Variants in TRHDE observed in about 807,000 individuals in gnomAD.
TRHDE encodes the protein thyrotropin releasing hormone degrading enzyme.
In TRHDE, 72 loss-of-function variants were observed where a neutral mutation model predicts 125.7. The observed-to-expected ratio is 0.57, with a 90% CI of 0.47 to 0.70. The LOEUF is 0.70. Among genes scored for constraint, TRHDE ranks in the 30% least tolerant of loss-of-function variants. The pLI is 0.00. For missense variants in TRHDE, 1,110 were observed against 1,327.1 expected (o/e 0.84, Z 2.54); for synonymous variants, 509 against 509.1 (o/e 1.00, Z 0.00).
intron 2 of TRHDE, among the ~76,000 whole-genome samples, chr12:72,331,102 A>T (rs1055229022): frequency 3.3e-5 from 5 of 152,210 alleles, no homozygotes; most frequent in African/African-American, 1.2e-4. Flanking sequence ...AGCAATTCAC[A>T]TCTGTTATCT....
At chr12:72,454,037 T>G (rs1404381138) in intron 3 of TRHDE, among the ~76,000 whole-genome samples, 1 of 152,214 alleles carries the variant, frequency 6.6e-6, no homozygotes, top group Non-Finnish European at 1.5e-5. Context: ...TTGAGTACAC[T>G]TGTTCTGACT....
chr12:72,630,405 G>A (rs1592583022), intron 15 of TRHDE, among the ~76,000 whole-genome samples: 1 of 151,654 alleles, frequency 6.6e-6, no homozygotes, highest in African/African-American at 2.4e-5. Flanking sequence ...GCTGGAGAGA[G>A]GCATGGGTAT....
intron 2 of TRHDE, among the ~76,000 whole-genome samples, chr12:72,307,675 G>T (rs1868368467): frequency 6.6e-6 from 1 of 152,100 alleles, no homozygotes; most frequent in Non-Finnish European, 1.5e-5. Flanking sequence ...GAAAACAAGA[G>T]AACTCGAGAA....
intron 12 of TRHDE, among the ~76,000 whole-genome samples, chr12:72,581,020 A>G (rs899117436): frequency 2.0e-5 from 3 of 152,208 alleles, no homozygotes; most frequent in Non-Finnish European, 4.4e-5. Context: ...CTATGGGAAT[A>G]CATTAAATGC....
intron 3 of TRHDE, among the ~76,000 whole-genome samples, chr12:72,440,122 G>A (rs540223896): frequency 6.6e-6 from 1 of 151,996 alleles, no homozygotes; most frequent in African/African-American, 2.4e-5. Context: ...CTCGATAATG[G>A]GCAGTGATCT....
chr12:72,176,282 G>A (rs1876985090), intron 2 of TRHDE, among the ~76,000 whole-genome samples: 1 of 152,162 alleles, frequency 6.6e-6, no homozygotes, highest in Non-Finnish European at 1.5e-5. Flanking sequence ...TAGGTAAGAG[G>A]ATCGCTTGAG....
chr12:72,435,445 C>A (rs1460405191), intron 3 of TRHDE, among the ~76,000 whole-genome samples: 1 of 152,038 alleles, frequency 6.6e-6, no homozygotes, highest in African/African-American at 2.4e-5. Context: ...GGATGGGAAG[C>A]TATTCAGGAT....
At chr12:72,183,783 CT>C (rs1877146129) in intron 2 of TRHDE, among the ~76,000 whole-genome samples, 1 of 152,086 alleles carries the variant, frequency 6.6e-6, no homozygotes. Context: ...CACAGTTTGT[CT>C]GTGCAAAATG....
At chr12:72,497,955 T>A (rs1381766595) in intron 5 of TRHDE, among the ~76,000 whole-genome samples, 2 of 145,820 alleles carry the variant, frequency 1.4e-5, no homozygotes, top group Non-Finnish European at 1.5e-5. Flanking sequence ...TATGTCATAT[T>A]TGTCATTTAA....
chr12:72,663,153 AG>A lies in TRHDE; in HGVS notation c.3169del (p.Asp1057ThrfsTer7). 1 of 1,613,086 alleles carries A rather than the reference AG, an allele frequency of 6.2e-7. No homozygotes were observed. Among genetic ancestry groups the A allele is most frequent in the East Asian group, 2.2e-5 (1 of 44,832 alleles). On this transcript the variant is annotated frameshift_variant, in exon 19 of 19. Transcript: ENST00000261180. LOFTEE classifies it high-confidence loss of function. ...ANVRWKMLYQ[D>X]ELFQWLGKAL... ...ATGTGCGCTGGAAAATGCTTTACCA[AG>A]ACGAGCTTTTCCAATGGTTAGGAAA...
intron 2 of TRHDE, among the ~76,000 whole-genome samples, chr12:72,365,572 T>C (rs1323003563): frequency 6.6e-6 from 1 of 152,064 alleles, no homozygotes; most frequent in Non-Finnish European, 1.5e-5. Context: ...GGAAGCTTGG[T>C]AATAATATAG....
intron 1 of TRHDE, among the ~76,000 whole-genome samples, chr12:72,089,712 T>G (rs1308825654): frequency 6.6e-6 from 1 of 152,212 alleles, no homozygotes. Flanking sequence ...CCAAATCTCT[T>G]AACTCTGCTT....
intron 6 of TRHDE, among the ~76,000 whole-genome samples, chr12:72,514,831 C>T (rs1343758977): frequency 3.1e-5 from 4 of 128,180 alleles, no homozygotes; most frequent in Non-Finnish European, 6.3e-5. Flanking sequence ...TGTTCCCCTT[C>T]CTGTGTCCAT....
intron 2 of TRHDE, among the ~76,000 whole-genome samples, chr12:72,368,658 G>A (rs1387115353): frequency 1.3e-5 from 2 of 152,108 alleles, no homozygotes; most frequent in East Asian, 3.9e-4. Context: ...TGGACACTCA[G>A]CATGTGAATA....
At position 72,097,427 on chromosome 12, in the gene TRHDE, ATTTTCTCACTGAAT is replaced by A. The variant is rs1220130635; in HGVS notation, n.175-8216_175-8203del. Among the ~76,000 whole-genome samples the A allele has an allele frequency of 1.4e-3, 179 of 124,738 alleles. 13 individuals carry two copies. The highest frequency in any genetic ancestry group is 1.2e-3 in the African/African-American group (40 of 32,996). 81.8% of individuals were successfully genotyped at this position (124,738 alleles called of 152,430 possible). A position where few individuals can be genotyped will look rare whatever the true frequency, so the allele number is the denominator to read the frequency against. On this transcript the variant is annotated intron_variant and non_coding_transcript_variant, in intron 1 of 4. Transcript: ENST00000548156. ...TAGTCCCTCCTTACCTTGCAGTAGC[ATTTTCTCACTGAAT>A]TTTTTTTTTTTTTTTTTTTTTTTTT... is the stretch of plus-strand genomic sequence containing the variant.
Position 72,273,740 on chromosome 12 carries a change from C to T in TRHDE, c.914+183C>T. On this transcript the variant is annotated intron_variant, in intron 1 of 18. Transcript: ENST00000261180. This position sits in a 1 kb window ranked among gnomAD's most constrained non-coding sequence, Gnocchi z 5.3. ...GGGTCTCCCAGATGCCTCGGGGTCTCGCTGCCGCCAACTTCGCAAACTGAC... is the reference window on the plus strand; with the variant it reads ...GGGTCTCCCAGATGCCTCGGGGTCTTGCTGCCGCCAACTTCGCAAACTGAC... 1 of 574,120 alleles carries T rather than the reference C, an allele frequency of 1.7e-6. No homozygotes were observed. The highest frequency in any genetic ancestry group is 2.8e-5 in the East Asian group (1 of 35,886). The allele number at this position is 574,120 out of a possible 1,614,324, so 35.6% of individuals were successfully genotyped here. A position where few individuals can be genotyped will look rare whatever the true frequency, so the allele number is the denominator to read the frequency against.
chr12:72,248,946 C>T (rs996985044), intron 2 of TRHDE, among the ~76,000 whole-genome samples: 7 of 152,110 alleles, frequency 4.6e-5, no homozygotes, highest in Non-Finnish European at 1.0e-4. Flanking sequence ...TAAAATAAAA[C>T]ATAGATCCTC....
At chr12:72,311,786 T>C (rs1592536294) in intron 2 of TRHDE, among the ~76,000 whole-genome samples, 1 of 152,224 alleles carries the variant, frequency 6.6e-6, no homozygotes, top group East Asian at 1.9e-4. Flanking sequence ...AAATGGGCAA[T>C]TGAGGGGCAA....
At chr12:72,258,721 C>T (rs1878874883) in intron 2 of TRHDE, among the ~76,000 whole-genome samples, 1 of 152,120 alleles carries the variant, frequency 6.6e-6, no homozygotes, top group South Asian at 2.1e-4. Context: ...CATTGTCTGC[C>T]ATGTCTCTCT....
Sources: allele counts gnomAD v4.1 joint callset (sites outside exome capture counted in the v4.1 genomes callset), GRCh38; gene constraint gnomAD v4.1.1; non-coding constraint Gnocchi (gnomAD v3.1); transcripts MANE v1.5; gene names NCBI Gene and HGNC (gene_info 2026-07-23, HGNC 2026-07-21).